Variants in DPYD observed in about 807,000 individuals in gnomAD.
DPYD encodes the protein dihydropyrimidine dehydrogenase [NADP(+)].
DPYD carries 109 observed loss-of-function variants against 116.2 expected under a neutral mutation model. That is an observed-to-expected ratio of 0.94 (90% CI 0.80 to 1.10). The LOEUF is 1.10. Among genes scored for constraint, DPYD ranks in the 50% least tolerant of loss-of-function variants. The pLI is 0.00. For missense variants in DPYD, 1,302 were observed against 1,254.5 expected (o/e 1.04, Z -0.57); for synonymous variants, 440 against 432.0 (o/e 1.02, Z -0.23).
At chr1:97,811,551 T>A (rs917998613) in intron 3 of DPYD, among the ~76,000 whole-genome samples, 7 of 152,134 alleles carry the variant, frequency 4.6e-5, no homozygotes, top group Non-Finnish European at 1.0e-4. Context: ...ATAACCCCTC[T>A]TTCTTAAAGA....
chr1:97,589,700 C>T (rs1654375572), intron 10 of DPYD, among the ~76,000 whole-genome samples: 1 of 152,178 alleles, frequency 6.6e-6, no homozygotes, highest in African/African-American at 2.4e-5. Context: ...CTGTATTTCC[C>T]TCACTCAGAG....
intron 3 of DPYD, among the ~76,000 whole-genome samples, chr1:97,771,278 G>T (rs575394677): frequency 5.3e-5 from 8 of 152,236 alleles, no homozygotes; most frequent in South Asian, 2.1e-4. Context: ...AAAGAAAAAA[G>T]AAAAATATTA....
intron 14 of DPYD, among the ~76,000 whole-genome samples, chr1:97,433,347 C>T (rs552116414): frequency 6.6e-6 from 1 of 152,234 alleles, no homozygotes; most frequent in South Asian, 2.1e-4. Context: ...GGGGTTCTCA[C>T]ACATCACACA....
chr1:97,894,080 T>C (rs535088725), intron 1 of DPYD, among the ~76,000 whole-genome samples: 6 of 151,920 alleles, frequency 3.9e-5, no homozygotes, highest in African/African-American at 1.4e-4. Flanking sequence ...TCTTTATTTC[T>C]CACAGTTAGA....
intron 18 of DPYD, among the ~76,000 whole-genome samples, chr1:97,285,052 T>G (rs1241285940): frequency 6.6e-6 from 1 of 152,170 alleles, no homozygotes; most frequent in Non-Finnish European, 1.5e-5. Flanking sequence ...AAAGCCAAAT[T>G]GGCAGAATCT....
chr1:97,133,776 T>C (rs951693645), intron 20 of DPYD, among the ~76,000 whole-genome samples: 1 of 151,590 alleles, frequency 6.6e-6, no homozygotes, highest in Non-Finnish European at 1.5e-5. Context: ...GGTGGGCAGA[T>C]CACTTGAAGT....
At chr1:97,725,746 C>A (rs1663219787) in intron 4 of DPYD, among the ~76,000 whole-genome samples, 2 of 151,454 alleles carry the variant, frequency 1.3e-5, no homozygotes, top group Non-Finnish European at 3.0e-5. Flanking sequence ...TATTCACATG[C>A]AAAAGAATGA....
intron 20 of DPYD, among the ~76,000 whole-genome samples, chr1:97,127,728 T>C (rs905117948): frequency 1.3e-5 from 2 of 152,186 alleles, no homozygotes. Context: ...TATATTTTTT[T>C]AGTTATTTTG....
intron 2 of DPYD, among the ~76,000 whole-genome samples, chr1:97,830,363 G>T (rs923652733): frequency 6.6e-6 from 1 of 152,114 alleles, no homozygotes; most frequent in African/African-American, 2.4e-5. Context: ...AAGATTACTT[G>T]ACTATCTAGT....
At chr1:97,735,458 C>T (rs1279588634) in intron 4 of DPYD, among the ~76,000 whole-genome samples, 7 of 149,710 alleles carry the variant, frequency 4.7e-5, no homozygotes, top group Non-Finnish European at 7.4e-5. Context: ...AGGCAGATCA[C>T]GAGGTCAGGA....
intron 13 of DPYD, among the ~76,000 whole-genome samples, chr1:97,470,440 C>T (rs1677580668): frequency 6.6e-6 from 1 of 151,866 alleles, no homozygotes; most frequent in Admixed American, 6.6e-5. Context: ...TGGCACAATA[C>T]AAATGATTAT....
At chr1:97,465,001 T>C (rs1385861626) in intron 13 of DPYD, among the ~76,000 whole-genome samples, 1 of 152,174 alleles carries the variant, frequency 6.6e-6, no homozygotes, top group East Asian at 1.9e-4. Flanking sequence ...GGCTATACCC[T>C]GCAAAGCCAC....
intron 14 of DPYD, among the ~76,000 whole-genome samples, chr1:97,437,053 T>C (rs1198197916): frequency 2.6e-5 from 4 of 151,774 alleles, no homozygotes; most frequent in Non-Finnish European, 5.9e-5. Context: ...CAATAAATTA[T>C]ACATACTTAA....
At chr1:97,823,413 T>C (rs1431046200) in intron 3 of DPYD, among the ~76,000 whole-genome samples, 7 of 152,128 alleles carry the variant, frequency 4.6e-5, no homozygotes, top group Admixed American at 3.9e-4. Context: ...TCTCACGTTA[T>C]TTTAAAGTAT....
intron 19 of DPYD, among the ~76,000 whole-genome samples, chr1:97,207,658 T>A (rs2101862710): frequency 6.6e-6 from 1 of 152,282 alleles, no homozygotes; most frequent in South Asian, 2.1e-4. Context: ...ATATACAATG[T>A]TCTAATTTTC....
intron 8 of DPYD, among the ~76,000 whole-genome samples, chr1:97,673,258 T>C (rs971167953): frequency 2.6e-5 from 4 of 152,134 alleles, no homozygotes; most frequent in Non-Finnish European, 5.9e-5. Context: ...AAAGGATAGA[T>C]CATGTTAAGA....
chr1:97,236,377 C>T (rs1661927344), intron 18 of DPYD, among the ~76,000 whole-genome samples: 1 of 149,084 alleles, frequency 6.7e-6, no homozygotes, highest in Admixed American at 6.7e-5. Flanking sequence ...TAAAAAATGG[C>T]CAGAACTTAA....
chr1:97,771,194 C>T lies in DPYD; in HGVS notation c.234-30715G>A, dbSNP rs956450062. Among the ~76,000 whole-genome samples, 8 of 151,916 alleles carry T rather than the reference C, an allele frequency of 5.3e-5. No individual in the cohort carries two copies. The East Asian group carries it at 7.7e-4, about 15-fold the overall frequency. The stretch of plus-strand genomic sequence containing the variant: ...AAAATTAGCCAGTTGTGGTGGCATG[C>T]GCCAGGGGGTAGTGGAGGTTGCAGT... On this transcript the variant is annotated intron_variant, in intron 3 of 22. Transcript: ENST00000370192.
intron 1 of DPYD, among the ~76,000 whole-genome samples, chr1:97,893,274 A>C (rs1672866074): frequency 6.6e-6 from 1 of 151,268 alleles, no homozygotes; most frequent in Non-Finnish European, 1.5e-5. Flanking sequence ...GAGGAAACCA[A>C]ATCACTGACT....
Sources: gnomAD v4.1 joint callset for allele counts (sites outside exome capture counted in the v4.1 genomes callset) on GRCh38, gnomAD v4.1.1 for gene constraint, MANE v1.5 for transcripts, NCBI Gene and HGNC (gene_info 2026-07-23, HGNC 2026-07-21) for gene names.